The following AIFM1 variants were observed in gnomAD, a reference collection of about 807,000 sequenced individuals.
The protein encoded by AIFM1 is apoptosis-inducing factor 1, mitochondrial.
Under a neutral mutation model 51.7 loss-of-function variants are expected in AIFM1, and 3 were observed. The ratio of observed to expected loss-of-function variants is 0.06; its 90% CI spans 0.03 to 0.15. The LOEUF (loss-of-function observed/expected upper bound fraction) is 0.15. Among genes scored for constraint, AIFM1 ranks in the 10% least tolerant of loss-of-function variants. AIFM1 has a pLI of 1.00. For synonymous variants in AIFM1, 178 were observed against 179.4 expected, an observed-to-expected ratio of 0.99 and a Z score of 0.06; for missense variants, 330 against 476.8, an observed-to-expected ratio of 0.69 and a Z score of 2.87.
At chrX:130,155,005 A>G in intron 2 of AIFM1, 1 of 692,683 alleles carries the variant, frequency 1.4e-6, no homozygotes, top group Non-Finnish European at 2.2e-6. Flanking sequence ...AGATTTGAGG[A>G]CTCTCTAGTG....
intron 1 of AIFM1, among the ~76,000 whole-genome samples, chrX:130,162,164 T>C (rs1203339099): frequency 8.9e-6 from 1 of 112,202 alleles, no homozygotes; most frequent in Non-Finnish European, 1.9e-5. Flanking sequence ...ACATAATCCA[T>C]GTCCTCAGGT....
At chrX:130,136,879 G>T in intron 10 of AIFM1, 148 bp from the exon 11 acceptor site, 1 of 1,018,245 alleles carries the variant, frequency 9.8e-7, no homozygotes, top group Non-Finnish European at 1.4e-6. Context: ...TACACCCATG[G>T]TTCATTTTCA....
At chrX:130,135,614 A>T (rs1231556640) in intron 12 of AIFM1, among the ~76,000 whole-genome samples, 1 of 110,808 alleles carries the variant, frequency 9.0e-6, no homozygotes, top group Non-Finnish European at 1.9e-5. Context: ...ATTGTAAAAA[A>T]CAGCTAAAAA....
chrX:130,149,684 T>C lies in AIFM1; in HGVS notation c.250-116A>G. 5.3e-6 allele frequency: 3 copies of C among 563,352 alleles called. No homozygotes were observed. The South Asian group carries it at 7.7e-5, about 14-fold the overall frequency. 46.4% of individuals were successfully genotyped at this position (563,352 alleles called of 1,213,427 possible). On this transcript the variant is annotated intron_variant, in intron 2 of 15. Transcript: ENST00000287295. ...TGTCTATCTGATGTTAGTTCCTCTA[T>C]GTCAAAACCACTAAGACAAAGTTGT...
chrX:130,130,213 CTT>C (rs754422197), intron 14 of AIFM1, 47 bp from the exon 15 acceptor site: 3 of 1,188,508 alleles, frequency 2.5e-6, no homozygotes, highest in Non-Finnish European at 3.4e-6. Context: ...AAAATCAAAA[CTT>C]CAGTTATTAT....
chrX:130,151,841 G>A (rs1361297550), intron 2 of AIFM1, among the ~76,000 whole-genome samples: 3 of 111,116 alleles, frequency 2.7e-5, no homozygotes, highest in East Asian at 2.8e-4. Context: ...AGGAGTTCGA[G>A]ACTAGCCTGG....
intron 14 of AIFM1, 116 bp from the exon 15 acceptor site, chrX:130,130,282 T>A (rs1400475345): frequency 1.2e-6 from 1 of 845,824 alleles, no homozygotes; most frequent in African/African-American, 2.0e-5. Flanking sequence ...AAGCTACTTC[T>A]AGAGGATTTA....
chrX:130,151,035 C>T (rs188076915), intron 2 of AIFM1, among the ~76,000 whole-genome samples: 1 of 107,396 alleles, frequency 9.3e-6, no homozygotes, highest in African/African-American at 3.4e-5. Flanking sequence ...TTTTGTACCC[C>T]ACAGGGTCAA....
At chrX:130,150,977 C>CAAAAAAAAAAAAAAA (rs759870161) in intron 2 of AIFM1, among the ~76,000 whole-genome samples, 9 of 27,785 alleles carry the variant, frequency 3.2e-4, no homozygotes, top group African/African-American at 5.3e-4. Flanking sequence ...GACTCTGTCT[C>CAAAAAAAAAAAAAAA]AAAAAAAAAA....
intron 2 of AIFM1, chrX:130,155,415 A>C: frequency 1.3e-6 from 1 of 748,200 alleles, no homozygotes; most frequent in Admixed American, 2.7e-5. Flanking sequence ...AAAAAGAAAA[A>C]AATGCTGCTC....
At chrX:130,148,548 T>C (rs2030836208) in intron 3 of AIFM1, among the ~76,000 whole-genome samples, 1 of 111,303 alleles carries the variant, frequency 9.0e-6, no homozygotes, top group Non-Finnish European at 1.9e-5. Flanking sequence ...AAAAAACAGC[T>C]TTCGGCTGGG....
chrX:130,146,099 C>T (rs1055525297), intron 5 of AIFM1, among the ~76,000 whole-genome samples: 4 of 111,364 alleles, frequency 3.6e-5, no homozygotes, highest in Non-Finnish European at 7.5e-5. Context: ...GAAGACTCTG[C>T]CTCAAGCAGT....
At chrX:130,148,324 G>A (rs1239817789) in intron 3 of AIFM1, among the ~76,000 whole-genome samples, 1 of 111,046 alleles carries the variant, frequency 9.0e-6, no homozygotes, top group Admixed American at 9.6e-5. Flanking sequence ...AAGAATAAGG[G>A]GGTGCTTTTG....
At chrX:130,158,373 T>C (rs2031238825) in intron 1 of AIFM1, among the ~76,000 whole-genome samples, 1 of 112,324 alleles carries the variant, frequency 8.9e-6, no homozygotes, top group African/African-American at 3.2e-5. Flanking sequence ...GTGGCTGTAG[T>C]TGGCAGACCC....
chrX:130,130,219 T>C (rs371572092), intron 14 of AIFM1, 53 bp from the exon 15 acceptor site: 7 of 1,173,396 alleles, frequency 6.0e-6, no homozygotes, highest in East Asian at 3.0e-5. Context: ...AAAACTTCAG[T>C]TATTATGAGC....
At chrX:130,160,860 T>C (rs2031322032) in intron 1 of AIFM1, among the ~76,000 whole-genome samples, 2 of 108,013 alleles carry the variant, frequency 1.9e-5, no homozygotes, top group African/African-American at 6.8e-5. Context: ...CTGGCCAACA[T>C]GGTGAAACCC....
At chrX:130,151,083 T>C (rs1418369522) in intron 2 of AIFM1, among the ~76,000 whole-genome samples, 5 of 107,266 alleles carry the variant, frequency 4.7e-5, no homozygotes, top group African/African-American at 1.7e-4. Context: ...TCAAATGAAA[T>C]CTCAGATTAA....
chrX:130,160,759 C>T (rs1032548130), intron 1 of AIFM1, among the ~76,000 whole-genome samples: 1 of 110,438 alleles, frequency 9.1e-6, no homozygotes, highest in African/African-American at 3.3e-5. Flanking sequence ...AAATTTTAGC[C>T]AGGGCAGGCG....
rs2124648387 is a variant in AIFM1 at position 130,133,346 on chromosome X, G to A, written c.1415C>T (p.Ala472Val). The A allele has an allele frequency of 8.3e-7, 1 of 1,211,387 alleles. No individual in the cohort carries two copies. Among genetic ancestry groups the A allele is most frequent in the East Asian group, 3.0e-5 (1 of 33,838 alleles). ...GRLAGENMTG[A>V]AKPYWHQSMF... ...TGACTGATGCCAGTACGGCTTAGCA[G>A]CTCCAGTCATATTTTCTCCAGCCAA... Residue 472 changes from alanine (A) to valine (V), a missense_variant, in exon 13 of 16, where the codon GCT becomes GTT. Ala to Val is a moderately conservative substitution (Grantham distance 64). Around this residue, in one of 4 missense-constraint regions of AIFM1, gnomAD observed 152 missense variants for 292.8 expected, o/e 0.52. Transcript: ENST00000287295.
Sources: gnomAD v4.1 joint callset for allele counts (sites outside exome capture counted in the v4.1 genomes callset) on GRCh38, gnomAD v4.1.1 for gene constraint, gnomAD v4.1.1 regional missense constraint, MANE v1.5 for transcripts, NCBI Gene and HGNC (gene_info 2026-07-23, HGNC 2026-07-21) for gene names.